Variants in SEMA4G observed in about 807,000 individuals in gnomAD.
SEMA4G encodes semaphorin 4G, also known as semaphorin-4G.
SEMA4G carries 59 observed loss-of-function variants against 81.2 expected under a neutral mutation model. The ratio of observed to expected loss-of-function variants is 0.73; its 90% CI spans 0.59 to 0.90. The LOEUF (loss-of-function observed/expected upper bound fraction) is 0.90, where lower values mean the gene tolerates loss of function less well. SEMA4G is among the 40% of genes least tolerant of loss of function. SEMA4G has a pLI of 0.00. For missense variants in SEMA4G, 952 were observed against 1,102.3 expected (o/e 0.86, Z 1.93); for synonymous variants, 404 against 433.9 (o/e 0.93, Z 0.86).
rs760515196 is a variant in SEMA4G, at chr10:100,983,835, G to A, written c.2221G>A (p.Gly741Ser). The A allele has an allele frequency of 5.0e-6, 8 of 1,598,088 alleles. No individual in the cohort carries two copies. Among genetic ancestry groups the A allele is most frequent in the Non-Finnish European group, 5.1e-6 (6 of 1,172,266 alleles). The change falls in exon 14 of 14, where the codon GGT becomes AGT. Residue 741 changes from glycine (G) to serine (S), a missense_variant. This residue lies in a region of SEMA4G where 385 missense variants were observed against 413.5 expected (regional missense o/e 0.93). Transcript: ENST00000370250. ...CCAGTGTCCTGGAGAGGAAGATGAG[G>A]GTGATGATGAGGGGGCTGGGGGCCT...
In SEMA4G at chr10:100,979,119, G is replaced by A. The variant is rs1238045368; in HGVS notation, c.831G>A (p.Lys277=). Residue 277 remains lysine, a synonymous_variant, in exon 8 of 14, where the codon AAG becomes AAA. Transcript: ENST00000370250. ...CTCCCCAGGGAGACCTGGGAGGGAA[G>A]AAGATCCTGCAGAAGAAGTGGACTT... 5 of 1,614,056 alleles carry A rather than the reference G, an allele frequency of 3.1e-6. No homozygotes were observed. The East Asian group carries it at 6.7e-5, about 22-fold the overall frequency.
chr10:100,980,641 A>G lies in SEMA4G; in HGVS notation c.1415A>G (p.Gln472Arg), dbSNP rs762280561. ...GGGATGCACATTATTGAAGAGACACAAGTGTTCAGGGAGTCCCAGTCTGTG... is the reference window on the plus strand; with the variant it reads ...GGGATGCACATTATTGAAGAGACACGAGTGTTCAGGGAGTCCCAGTCTGTG... Residue 472 changes from glutamine (Q) to arginine (R), a missense_variant, in exon 11 of 14, where the codon CAA becomes CGA. Gln to Arg is a conservative substitution (Grantham distance 43, BLOSUM62 1). This residue lies in a region of SEMA4G where 131 missense variants were observed against 200.7 expected (regional missense o/e 0.65). Coordinates refer to ENST00000370250, the Ensembl canonical transcript of SEMA4G. 50 of 1,614,020 alleles carry G rather than the reference A, an allele frequency of 3.1e-5. No homozygotes were observed. The highest frequency in any genetic ancestry group is 4.2e-5 in the Non-Finnish European group (50 of 1,180,012).
chr10:100,983,864 G>A (rs927913032), exon 14 of SEMA4G: 2 of 1,574,694 alleles, frequency 1.3e-6, no homozygotes, highest in African/African-American at 2.7e-5. Context: ...GGGGCCTGGA[G>A]GGCAGCTGTC....
At position 100,979,999 on chromosome 10, in the gene SEMA4G, G is replaced by C. The variant is rs370207123; in HGVS notation, c.1128+7G>C. 6.2e-6 allele frequency: 10 copies of C among 1,613,842 alleles called. No homozygotes were observed. The African/African-American group carries it at 8.0e-5, about 13-fold the overall frequency. ...TGAGCCCCGGCCTGGCTCGGTGAGT[G>C]CCCAGGCCTGGGGCCAGTGCTGAGT... is the stretch of plus-strand genomic sequence containing the variant. On this transcript the variant is annotated splice_region_variant and intron_variant, in intron 9 of 13. Coordinates refer to ENST00000370250, the Ensembl canonical transcript of SEMA4G.
At chr10:100,975,129 C>A in intron 3 of SEMA4G, 1 of 479,096 alleles carries the variant, frequency 2.1e-6, no homozygotes, top group South Asian at 1.6e-5. Context: ...TGGAAGGCCA[C>A]AGATGCCCAG....
rs1850862942 is a variant in SEMA4G, at chr10:100,977,738, T to C, written c.435+8T>C. Reference sequence around the variant, plus strand: ...CCCCTCTGTGCAGCCATTGTGAGTATACCTGTGTTGTGCCAGATCTCTGTT... The same window carrying C: ...CCCCTCTGTGCAGCCATTGTGAGTACACCTGTGTTGTGCCAGATCTCTGTT... On this transcript the variant is annotated splice_region_variant and intron_variant, in intron 4 of 13. Transcript: ENST00000370250. The C allele has an allele frequency of 6.2e-7, 1 of 1,605,482 alleles. No individual in the cohort carries two copies. Among genetic ancestry groups the C allele is most frequent in the Non-Finnish European group, 8.5e-7 (1 of 1,172,252 alleles).
In SEMA4G at chr10:100,981,242, T is replaced by C. The variant is rs1334129419; in HGVS notation, c.1690+13T>C. On this transcript the variant is annotated intron_variant, in intron 13 of 13. Transcript: ENST00000370250. ...AGCAGGGATACAGGTAAGTGACTCATATGAGTGTGGGTCTAGCTACGCAGA... is the reference window on the plus strand; with the variant it reads ...AGCAGGGATACAGGTAAGTGACTCACATGAGTGTGGGTCTAGCTACGCAGA... The C allele has an allele frequency of 3.1e-6, 5 of 1,613,656 alleles. No homozygotes were observed. The highest frequency in any genetic ancestry group is 1.6e-4 in the Middle Eastern group (1 of 6,082).
chr10:100,980,600 CGTA>C, exon 11 of SEMA4G: 1 of 1,614,090 alleles, frequency 6.2e-7, no homozygotes, highest in Non-Finnish European at 8.5e-7. Context: ...TCCACAAGGC[CGTA>C]GTCCTGGGCT....
exon 10 of SEMA4G, chr10:100,980,217 T>A (rs1170412118): frequency 6.2e-7 from 1 of 1,614,234 alleles, no homozygotes. Context: ...CACTGATGGC[T>A]CGGCCCGTTG....
exon 14 of SEMA4G, chr10:100,983,647 T>A: frequency 6.2e-7 from 1 of 1,613,716 alleles, no homozygotes; most frequent in Non-Finnish European, 8.5e-7. Flanking sequence ...CTGCTCTATG[T>A]GCTAGCCATT....
exon 9 of SEMA4G, chr10:100,979,868 C>T (rs758200614): frequency 1.2e-6 from 2 of 1,613,900 alleles, no homozygotes; most frequent in Non-Finnish European, 1.7e-6. Context: ...GAGGCCTCAG[C>T]CATCTGCCGC....
At chr10:100,983,540 G>T in exon 14 of SEMA4G, 2 of 1,614,100 alleles carry the variant, frequency 1.2e-6, no homozygotes, top group Non-Finnish European at 1.7e-6. Context: ...TCCGCACCCT[G>T]CTGGCCTCCT....
intron 8 of SEMA4G, 53 bp from the exon 10 acceptor site, chr10:100,979,795 G>A (rs1850969739): frequency 1.2e-6 from 2 of 1,600,546 alleles, no homozygotes; most frequent in South Asian, 2.2e-5. Flanking sequence ...ACGAGTTGGG[G>A]GGCAGGCTTG....
At position 100,973,303 on chromosome 10, in the gene SEMA4G, C is replaced by T. The variant is rs201084792; in HGVS notation, c.273+26C>T. The T allele has an allele frequency of 1.4e-5, 23 of 1,610,546 alleles. No individual in the cohort carries two copies. The highest frequency in any genetic ancestry group is 3.3e-5 in the South Asian group (3 of 91,010). ...GTCAGGCCCTGGAACCTGGACCACC[C>T]AGAGGGTCTCTATGCTTATCCAGCT... On this transcript the variant is annotated intron_variant, in intron 2 of 13. Coordinates refer to ENST00000370250, the Ensembl canonical transcript of SEMA4G. The surrounding 1 kb of genome is among the most constrained non-coding windows in gnomAD (Gnocchi z 5.5).
At chr10:100,970,655 C>G (rs1427514847), upstream of SEMA4G, among the ~76,000 whole-genome samples, 1 of 152,172 alleles carries the variant, frequency 6.6e-6, no homozygotes, top group Non-Finnish European at 1.5e-5. Flanking sequence ...TTCTGCTCTG[C>G]ATCTCACCCC....
chr10:100,969,678 T>C (rs1850573800), upstream of SEMA4G: 1 of 351,476 alleles, frequency 2.8e-6, no homozygotes. Context: ...CCCACGTCCA[T>C]TCTACCCTCC....
Position 100,973,559 on chromosome 10 carries a change from G to A in SEMA4G, c.286G>A (p.Ala96Thr), listed in dbSNP as rs200094625. 1.2e-6 allele frequency: 2 copies of A among 1,614,092 alleles called. No individual in the cohort carries two copies. Among genetic ancestry groups the A allele is most frequent in the Non-Finnish European group, 8.5e-7 (1 of 1,180,000 alleles). ...TTGCCTCCACTAGATCCACTGGGAA[G>A]CCTCCCCAGAGATGCAAAGCAAATG... Residue 96 changes from alanine (A) to threonine (T), a missense_variant, in exon 3 of 14, where the codon GCC becomes ACC. Physicochemically the swap from Ala to Thr is moderately conservative, Grantham distance 58. This residue lies in a region of SEMA4G where 436 missense variants were observed against 488.2 expected (regional missense o/e 0.89). Transcript: ENST00000370250. The surrounding 1 kb of genome is among the most constrained non-coding windows in gnomAD (Gnocchi z 5.5).
At chr10:100,972,594 T>C (rs1850665075) in exon 1 of SEMA4G, 2 of 286,250 alleles carry the variant, frequency 7.0e-6, no homozygotes, top group South Asian at 1.2e-4. Flanking sequence ...ATCAGTAACC[T>C]ACAACCCCTC....
intron 3 of SEMA4G, among the ~76,000 whole-genome samples, chr10:100,976,170 G>A (rs532546673): frequency 6.6e-6 from 1 of 152,234 alleles, no homozygotes; most frequent in East Asian, 1.9e-4. Context: ...TAACAGGCAA[G>A]AGGAGGAATC....
Sources: allele counts gnomAD v4.1 joint callset (sites outside exome capture counted in the v4.1 genomes callset), GRCh38; gene constraint gnomAD v4.1.1; regional missense constraint gnomAD v4.1.1; non-coding constraint Gnocchi (gnomAD v3.1); transcripts MANE v1.5; gene names NCBI Gene and HGNC (gene_info 2026-07-23, HGNC 2026-07-21).